KRT36: variants seen among roughly 807,000 people sequenced by gnomAD.
The protein encoded by KRT36 is keratin, type I cuticular Ha6.
Under a neutral mutation model 43.0 loss-of-function variants are expected in KRT36, and 41 were observed. The observed-to-expected ratio is 0.95, with a 90% confidence interval of 0.74 to 1.24. The LOEUF (loss-of-function observed/expected upper bound fraction) is 1.24, where lower values mean the gene tolerates loss of function less well. Among genes scored for constraint, KRT36 ranks in the 50% most tolerant of loss-of-function variants. The probability of loss-of-function intolerance (pLI) is 0.00; values close to 1 mark genes in which losing one functional copy is unlikely to be tolerated. For missense variants in KRT36, 627 were observed against 595.3 expected (o/e 1.05, Z -0.55); for synonymous variants, 277 against 252.9 (o/e 1.10, Z -0.90).
In KRT36 at chr17:41,487,587, A is replaced by G; in HGVS notation, c.850T>C (p.Phe284Leu). Residue 284 changes from phenylalanine to leucine, a missense_variant, in exon 4 of 7, where the codon TTC becomes CTC. Physicochemically the swap from Phe to Leu is conservative, Grantham distance 22. Transcript: ENST00000328119. The part of the protein sequence containing the change: ...ENNRRDVEAW[F>L]NTQTEELNQQ... ...CACCCCAGCCCCACCTGGGTGTTGA[A>G]CCAGGCCTCCACATCTCTGCGGTTA... is the stretch of plus-strand genomic sequence containing the variant. The G allele has an allele frequency of 6.2e-7, 1 of 1,614,034 alleles. No homozygotes were observed. The highest frequency in any genetic ancestry group is 1.7e-5 in the Admixed American group (1 of 60,010).
chr17:41,486,719 A>G (rs1904392846), intron 6 of KRT36, 148 bp from the exon 7 acceptor site: 1 of 742,790 alleles, frequency 1.3e-6, no homozygotes, highest in Non-Finnish European at 2.1e-6. Flanking sequence ...GGACTGAGCT[A>G]CAGGAATGAA....
rs768743093 is a variant in KRT36, at chr17:41,489,638, C to T, written c.227G>A (p.Gly76Asp). 2.5e-6 allele frequency: 4 copies of T among 1,614,166 alleles called. No individual in the cohort carries two copies. The change falls in exon 1 of 7, where the codon GGC (glycine) becomes GAC (aspartate). Residue 76 changes from glycine (G) to aspartate (D), a missense_variant. Coordinates refer to ENST00000328119, the MANE Select transcript of KRT36 (RefSeq NM_003771.5). Reference sequence around the variant, plus strand: ...GAACCAGCCCCCGCTCCCCACAAAGCCAGAGGTGTGGCACTCAGAAGACAG... The same window carrying T: ...GAACCAGCCCCCGCTCCCCACAAAGTCAGAGGTGTGGCACTCAGAAGACAG... ...SYLSSECHTS[G>D]FVGSGGWFCE... is the part of the protein sequence containing the mutation.
At chr17:41,488,005 G>T (rs1567709434) in intron 3 of KRT36, among the ~76,000 whole-genome samples, 1 of 152,230 alleles carries the variant, frequency 6.6e-6, no homozygotes, top group South Asian at 2.1e-4. Flanking sequence ...ATGGGCAAAA[G>T]TGTAGACCCT....
Sources: gnomAD v4.1 joint callset for allele counts (sites outside exome capture counted in the v4.1 genomes callset) on GRCh38, gnomAD v4.1.1 for gene constraint, MANE v1.5 for transcripts, NCBI Gene and HGNC (gene_info 2026-07-23, HGNC 2026-07-21) for gene names.